The following MEGF6 variants were observed in gnomAD, a reference collection of about 807,000 sequenced individuals.
The protein encoded by MEGF6 is multiple epidermal growth factor-like domains protein 6.
In MEGF6, 184 loss-of-function variants were observed where a neutral mutation model predicts 207.1. That is an observed-to-expected ratio of 0.89 (90% CI 0.79 to 1.00). MEGF6 has a LOEUF of 1.00. Ranked by LOEUF, MEGF6 falls within the 50% of genes least tolerant of loss-of-function variation. MEGF6 has a pLI of 0.00. For synonymous variants in MEGF6, 1,038 were observed against 910.0 expected, an observed-to-expected ratio of 1.14 and a Z score of -2.53; for missense variants, 2,282 against 2,202.9, an observed-to-expected ratio of 1.04 and a Z score of -0.72.
intron 5 of MEGF6, among the ~76,000 whole-genome samples, chr1:3,521,847 C>G (rs1641763644): frequency 6.6e-6 from 1 of 152,206 alleles, no homozygotes; most frequent in East Asian, 1.9e-4. Context: ...CAACATGCCC[C>G]AGAGAGTGCC....
chr1:3,518,610 T>G (rs140922850), intron 5 of MEGF6, among the ~76,000 whole-genome samples: 4 of 152,228 alleles, frequency 2.6e-5, no homozygotes, highest in Non-Finnish European at 5.9e-5. Flanking sequence ...CCAGCTCCTC[T>G]GCCCAAGCCT....
intron 4 of MEGF6, among the ~76,000 whole-genome samples, chr1:3,533,383 G>A (rs1438208410): frequency 6.6e-6 from 1 of 152,228 alleles, no homozygotes; most frequent in African/African-American, 2.4e-5. Flanking sequence ...CCTCTAAATC[G>A]CACGGATAGA....
At chr1:3,568,009 C>T (rs61762177) in intron 4 of MEGF6, among the ~76,000 whole-genome samples, 9,278 of 152,120 alleles carry the variant, frequency 0.061, 471 homozygotes, top group African/African-American at 0.14. Flanking sequence ...GGCCCAGCCA[C>T]GGGGCCCAGC....
chr1:3,547,750 C>T (rs1642761773), intron 4 of MEGF6, among the ~76,000 whole-genome samples: 1 of 152,194 alleles, frequency 6.6e-6, no homozygotes, highest in Non-Finnish European at 1.5e-5. Flanking sequence ...CCCTAGCCCG[C>T]CCTCCGTCTT....
intron 4 of MEGF6, among the ~76,000 whole-genome samples, chr1:3,549,243 C>A (rs1432405082): frequency 1.3e-5 from 2 of 152,202 alleles, no homozygotes; most frequent in African/African-American, 4.8e-5. Context: ...GCTCAAGAAG[C>A]TGCAGGTGGA....
rs1215536105 is a variant in MEGF6, at chr1:3,496,824, G to C, written c.3614-41C>G. The C allele has an allele frequency of 1.9e-6, 3 of 1,542,550 alleles. No individual in the cohort carries two copies. The East Asian group carries it at 7.4e-5, about 38-fold the overall frequency. ...CTAGCTGCAGGGGCTGGGGCTGGAG[G>C]CTTCCCCAGTGCCCCTGAACACAGC... On this transcript the variant is annotated intron_variant, in intron 28 of 36. Coordinates refer to ENST00000356575, the MANE Select transcript of MEGF6 (RefSeq NM_001409.4).
intron 4 of MEGF6, among the ~76,000 whole-genome samples, chr1:3,549,492 G>T (rs1017610244): frequency 6.6e-6 from 1 of 152,232 alleles, no homozygotes; most frequent in Non-Finnish European, 1.5e-5. Flanking sequence ...CAGTCTAGGC[G>T]AGAAGATGGG....
chr1:3,509,139 G>A lies in MEGF6; in HGVS notation c.1464C>T (p.Asp488=), dbSNP rs375052886. Residue 488 remains aspartate (D), a synonymous_variant, in exon 12 of 37, where the codon GAC becomes GAT. Transcript: ENST00000356575. ...QDELPQLFQD[D]DVGADEEEAE... is the part of the protein sequence containing the mutation. ...CCTCTTCCTCATCGGCCCCGACGTC[G>A]TCATCCTGGAAGAGTTGCGGCAGCT... 6.8e-5 allele frequency: 108 copies of A among 1,597,374 alleles called. No individual in the cohort carries two copies. Among genetic ancestry groups the A allele is most frequent in the Admixed American group, 1.4e-4 (8 of 58,078 alleles).
At chr1:3,512,897 T>C (rs1336765746) in intron 7 of MEGF6, among the ~76,000 whole-genome samples, 1 of 152,166 alleles carries the variant, frequency 6.6e-6, no homozygotes. Flanking sequence ...ACTGGGGCAG[T>C]GGCAGCCCGA....
chr1:3,621,942 T>C, the MEGF6 span, among the ~76,000 whole-genome samples: 1 of 152,372 alleles, frequency 6.6e-6, no homozygotes, highest in East Asian at 1.9e-4. Flanking sequence ...TGGGACCATT[T>C]ACCGAGTGCC....
At chr1:3,492,965 TTCTGCAGCCA>T in intron 34 of MEGF6, 198 bp from the exon 35 acceptor site, 1 of 659,828 alleles carries the variant, frequency 1.5e-6, no homozygotes, top group Non-Finnish European at 2.5e-6. Flanking sequence ...CTCAGCTACA[TTCTGCAGCCA>T]GTGAGCTCCT....
chr1:3,618,512 C>A, the MEGF6 span, among the ~76,000 whole-genome samples: 1 of 152,132 alleles, frequency 6.6e-6, no homozygotes. This position sits in a 1 kb window ranked among gnomAD's most constrained non-coding sequence, Gnocchi z 4.7. Context: ...ACCATCAACG[C>A]GACTCAGCCT....
chr1:3,502,751 G>A (rs1442112786), intron 17 of MEGF6, among the ~76,000 whole-genome samples: 2 of 152,144 alleles, frequency 1.3e-5, no homozygotes, highest in East Asian at 1.9e-4. Context: ...GGTGCTGGAA[G>A]CCCTGGAGTG....
At chr1:3,541,609 G>A (rs1030076045) in intron 4 of MEGF6, among the ~76,000 whole-genome samples, 18 of 152,168 alleles carry the variant, frequency 1.2e-4, no homozygotes, top group Non-Finnish European at 2.1e-4. Flanking sequence ...CAGCTGGCCC[G>A]AGGGGGGCAG....
chr1:3,508,842 G>C (rs537321576), intron 12 of MEGF6, among the ~76,000 whole-genome samples, 153 bp from the exon 13 acceptor site: 1 of 152,304 alleles, frequency 6.6e-6, no homozygotes, highest in East Asian at 1.9e-4. Context: ...ACAGATGCTG[G>C]GGCCAGAAGG....
At chr1:3,538,951 G>A (rs899360147) in intron 4 of MEGF6, among the ~76,000 whole-genome samples, 2 of 152,190 alleles carry the variant, frequency 1.3e-5, no homozygotes, top group Admixed American at 1.3e-4. Context: ...GCAAGAGGAT[G>A]CCCCAGGTCT....
intron 4 of MEGF6, among the ~76,000 whole-genome samples, chr1:3,524,951 G>C (rs975221800): frequency 6.6e-6 from 1 of 152,214 alleles, no homozygotes; most frequent in African/African-American, 2.4e-5. Flanking sequence ...GGCCAGGAAG[G>C]TCCTCTCTAT....
In MEGF6 at chr1:3,593,325, ACGAGGATAGC is replaced by A. The variant is rs533669832; in HGVS notation, c.376+2003_376+2012del. 4.9e-3 allele frequency among the ~76,000 whole-genome samples: 752 copies of A among 152,252 alleles called. 3 individuals carry two copies. The highest frequency in any genetic ancestry group is 0.01 in the Middle Eastern group (3 of 294). ...CTGACGCAGGTGAACACAGGGGCACACGAGGATAGCCAGAGCCCAGCTCGGGGCTCGGAGG... is the reference window on the plus strand; with the variant it reads ...CTGACGCAGGTGAACACAGGGGCACACAGAGCCCAGCTCGGGGCTCGGAGG... On this transcript the variant is annotated intron_variant, in intron 3 of 36. Transcript: ENST00000356575.
At chr1:3,503,487 G>A (rs1421511828) in intron 17 of MEGF6, among the ~76,000 whole-genome samples, 1 of 152,108 alleles carries the variant, frequency 6.6e-6, no homozygotes, top group Non-Finnish European at 1.5e-5. Context: ...GAGCAGAGGA[G>A]GGGCAGGGGA....
Sources: allele counts gnomAD v4.1 joint callset (sites outside exome capture counted in the v4.1 genomes callset), GRCh38; gene constraint gnomAD v4.1.1; non-coding constraint Gnocchi (gnomAD v3.1); transcripts MANE v1.5; gene names NCBI Gene and HGNC (gene_info 2026-07-23, HGNC 2026-07-21).